Variants in RBFOX1 observed in about 807,000 individuals in gnomAD.
RBFOX1 encodes the protein RNA binding fox-1 homolog 1, also known as RNA binding protein fox-1 homolog 1.
Under a neutral mutation model 57.7 loss-of-function variants are expected in RBFOX1, and 8 were observed. That is an observed-to-expected ratio of 0.14 (90% CI 0.08 to 0.25). RBFOX1 has a LOEUF of 0.25. Ranked by LOEUF, RBFOX1 falls within the 10% of genes least tolerant of loss-of-function variation. The probability of loss-of-function intolerance (pLI) is 1.00; values close to 1 mark genes in which losing one functional copy is unlikely to be tolerated. For synonymous variants in RBFOX1, 326 were observed against 222.4 expected (o/e 1.47, Z -4.15); for missense variants, 611 against 548.5 (o/e 1.11, Z -1.14).
intron 4 of RBFOX1, among the ~76,000 whole-genome samples, chr16:7,397,145 A>G (rs1568621502): frequency 6.6e-6 from 1 of 152,182 alleles, no homozygotes; most frequent in South Asian, 2.1e-4. Context: ...AGTGCACTGA[A>G]TTGTAAGATC....
At chr16:6,647,949 C>T (rs1352843676) in intron 2 of RBFOX1, among the ~76,000 whole-genome samples, 1 of 152,118 alleles carries the variant, frequency 6.6e-6, no homozygotes, top group Non-Finnish European at 1.5e-5. Flanking sequence ...TTAAGTGATT[C>T]TCGTGCGTCA....
chr16:6,207,110 G>A (rs1442987522), intron 1 of RBFOX1, among the ~76,000 whole-genome samples: 1 of 151,776 alleles, frequency 6.6e-6, no homozygotes, highest in Non-Finnish European at 1.5e-5. Context: ...CTGCATTCCT[G>A]CCAAGCAGGC....
At chr16:6,575,781 C>T (rs1165888266) in intron 2 of RBFOX1, among the ~76,000 whole-genome samples, 1 of 151,172 alleles carries the variant, frequency 6.6e-6, no homozygotes. Context: ...CGCTTGAACC[C>T]AGGAGGTGGA....
intron 2 of RBFOX1, chr16:6,483,246 C>G (rs1266862428): frequency 4.0e-6 from 5 of 1,257,458 alleles, no homozygotes; most frequent in South Asian, 2.5e-5. Context: ...CCGCCGTGGC[C>G]TCCCTTTGTG....
At chr16:6,676,838 G>C (rs894349436) in intron 3 of RBFOX1, among the ~76,000 whole-genome samples, 2 of 151,842 alleles carry the variant, frequency 1.3e-5, no homozygotes, top group East Asian at 2.0e-4. Flanking sequence ...ACCACTCCCA[G>C]CTAATTTTTG....
At position 5,430,888 on chromosome 16, in the gene RBFOX1, A is replaced by G. The variant is rs189365058; in HGVS notation, c.220-36328A>G. On this transcript the variant is annotated intron_variant, in intron 1 of 2. Transcript: ENST00000585867. ...AAGAAGTTTTGCCCTGGTATAAAGG[A>G]GAAATAAAAAGAGACAGTTTATAAT... Among the ~76,000 whole-genome samples the G allele has an allele frequency of 2.0e-5, 3 of 152,350 alleles. No homozygotes were observed. The East Asian group carries it at 5.8e-4, about 29-fold the overall frequency.
At chr16:6,455,191 C>T (rs1471022931) in intron 2 of RBFOX1, among the ~76,000 whole-genome samples, 1 of 151,960 alleles carries the variant, frequency 6.6e-6, no homozygotes, top group African/African-American at 2.4e-5. Flanking sequence ...CCACGCCTGG[C>T]CTACCAGGTG....
At chr16:5,636,634 A>T (rs2108995) in intron 3 of RBFOX1, among the ~76,000 whole-genome samples, 46,261 of 152,032 alleles carry the variant, frequency 0.3, 9,329 homozygotes, top group Non-Finnish European at 0.46. Context: ...CTTGACAGCC[A>T]ACTTTCGTAC....
At chr16:6,618,566 C>T (rs2098177244) in intron 2 of RBFOX1, among the ~76,000 whole-genome samples, 1 of 152,188 alleles carries the variant, frequency 6.6e-6, no homozygotes, top group African/African-American at 2.4e-5. Context: ...CAAATGCTGA[C>T]ATGATACTCG....
intron 3 of RBFOX1, among the ~76,000 whole-genome samples, chr16:6,989,893 C>T (rs1297946208): frequency 7.2e-5 from 11 of 151,946 alleles, no homozygotes; most frequent in East Asian, 1.9e-4. Context: ...CCCAGCTACT[C>T]GGGAGTCTGA....
intron 2 of RBFOX1, among the ~76,000 whole-genome samples, chr16:5,596,645 GAA>G (rs532710072): frequency 6.0e-4 from 92 of 152,322 alleles, no homozygotes; most frequent in African/African-American, 2.1e-3. Context: ...TCACTGGGTT[GAA>G]ATCTGCTATT....
chr16:5,913,654 C>G (rs1324025547), intron 4 of RBFOX1, among the ~76,000 whole-genome samples: 3 of 152,216 alleles, frequency 2.0e-5, no homozygotes, highest in African/African-American at 7.2e-5. Flanking sequence ...ATTACCCAGT[C>G]TCAGGTATTC....
intron 4 of RBFOX1, among the ~76,000 whole-genome samples, chr16:7,317,206 C>G (rs941443111): frequency 6.6e-6 from 1 of 151,978 alleles, no homozygotes; most frequent in African/African-American, 2.4e-5. Context: ...AGGAGTAAAA[C>G]GTTTTGAAAA....
intron 3 of RBFOX1, among the ~76,000 whole-genome samples, chr16:6,717,731 T>C (rs1172200249): frequency 1.3e-5 from 2 of 152,168 alleles, no homozygotes; most frequent in Non-Finnish European, 2.9e-5. Flanking sequence ...TTGATAATGC[T>C]GCTGTACCAG....
Position 6,231,993 on chromosome 16 carries a change from C to T in RBFOX1, c.-126-85002C>T, listed in dbSNP as rs150063327. Among the ~76,000 whole-genome samples the T allele has an allele frequency of 5.2e-3, 795 of 152,228 alleles. 31 individuals carry two copies. The highest frequency in any genetic ancestry group is 0.049 in the Admixed American group (752 of 15,288). The stretch of plus-strand genomic sequence containing the variant: ...ACGGGAGGGAGGTGGATTTGTACTT[C>T]CCTCGTTTGCAATATTATTAGTGTG... On this transcript the variant is annotated intron_variant, in intron 1 of 15. Transcript: ENST00000550418.
Position 6,856,633 on chromosome 16 carries a change from C to T in RBFOX1, c.-15-195424C>T, listed in dbSNP as rs192546730. Among the ~76,000 whole-genome samples the T allele has an allele frequency of 1.1e-4, 16 of 152,208 alleles. No homozygotes were observed. In the East Asian group the frequency reaches 1.5e-3, roughly 15 times the overall value. On this transcript the variant is annotated intron_variant, in intron 3 of 15. Transcript: ENST00000550418. The stretch of plus-strand genomic sequence containing the variant: ...TAAAGATGAGAAGACAGTGATAAAC[C>T]ACCTCTTGTGCAGGAATATTTATAT...
chr16:6,887,667 A>AT (rs55796944), intron 3 of RBFOX1, among the ~76,000 whole-genome samples: 11,035 of 143,774 alleles, frequency 0.077, 989 homozygotes, highest in African/African-American at 0.21. Context: ...TTCCATAGTC[A>AT]TTTTTTTTTT....
chr16:6,600,142 A>G (rs76919489), intron 2 of RBFOX1, among the ~76,000 whole-genome samples: 3,857 of 152,214 alleles, frequency 0.025, 109 homozygotes, highest in African/African-American at 0.069. Context: ...CCATCACCCA[A>G]TTTAGTAGGA....
chr16:7,066,661 A>G (rs1187561337), intron 4 of RBFOX1, among the ~76,000 whole-genome samples: 2 of 152,226 alleles, frequency 1.3e-5, no homozygotes, highest in Admixed American at 6.5e-5. Flanking sequence ...AGCAGCAATT[A>G]TAGAAATCTA....
Sources: gnomAD v4.1 joint callset for allele counts (sites outside exome capture counted in the v4.1 genomes callset) on GRCh38, gnomAD v4.1.1 for gene constraint, MANE v1.5 for transcripts, NCBI Gene and HGNC (gene_info 2026-07-23, HGNC 2026-07-21) for gene names.